The following COL5A1 variants were observed in gnomAD, a reference collection of about 807,000 sequenced individuals.
COL5A1 encodes collagen alpha-1(V) chain.
In COL5A1, 16 loss-of-function variants were observed where a neutral mutation model predicts 263.7. The observed-to-expected ratio is 0.06, with a 90% confidence interval of 0.04 to 0.09. COL5A1 has a LOEUF of 0.09. Among genes scored for constraint, COL5A1 ranks in the 10% least tolerant of loss-of-function variants. The pLI is 1.00. For missense variants in COL5A1, 2,036 were observed against 2,540.5 expected (o/e 0.80, Z 4.27); for synonymous variants, 1,012 against 1,004.5 (o/e 1.01, Z -0.14).
chr9:134,762,069 G>A (rs1836468394), intron 19 of COL5A1, 91 bp downstream of exon 19: 1 of 1,376,006 alleles, frequency 7.3e-7, no homozygotes, highest in Non-Finnish European at 1.0e-6. Flanking sequence ...GCCCAGGTGT[G>A]GGATTGGCCT....
chr9:134,709,063 ATTCCATCTGCAGTGATCT>A (rs1297331236), intron 4 of COL5A1: 3 of 412,208 alleles, frequency 7.3e-6, no homozygotes, highest in Non-Finnish European at 1.5e-5. Context: ...CAGATCCTTC[ATTCCATCTGCAGTGATCT>A]TATTTCTGGA....
chr9:134,735,627 C>T (rs11103487), intron 9 of COL5A1, among the ~76,000 whole-genome samples: 31,324 of 152,160 alleles, frequency 0.21, 3,393 homozygotes, highest in East Asian at 0.36. Flanking sequence ...CCCGCGTTGC[C>T]CCAGTTCCCT....
rs760798318 is a variant in COL5A1, at chr9:134,731,595, G to A, written c.1264G>A (p.Asp422Asn). The A allele has an allele frequency of 1.2e-6, 2 of 1,614,184 alleles. No individual in the cohort carries two copies. Among genetic ancestry groups the A allele is most frequent in the Admixed American group, 1.7e-5 (1 of 60,024 alleles). Residue 422 changes from aspartate to asparagine, a missense_variant, in exon 8 of 66, where the codon GAC (aspartate) becomes AAC (asparagine). By Grantham distance (23) the Asp-to-Asn change is conservative. Transcript: ENST00000371817. ...CGAGAACTACTACGACCCCTACTAC[G>A]ACCCCACCAGCTCCCCGTCGGAGAT... ...LDENYYDPYYDPTSSPSEIGP... is the reference protein window; with the variant it reads ...LDENYYDPYYNPTSSPSEIGP...
intron 18 of COL5A1, among the ~76,000 whole-genome samples, chr9:134,761,688 A>C (rs1356282262): frequency 1.3e-5 from 2 of 152,216 alleles, no homozygotes; most frequent in Admixed American, 6.5e-5. Context: ...CTGGGTGCTC[A>C]GTCCAGCACC....
intron 32 of COL5A1, among the ~76,000 whole-genome samples, chr9:134,791,983 C>T (rs997269022): frequency 1.3e-5 from 2 of 152,182 alleles, no homozygotes; most frequent in African/African-American, 4.8e-5. Flanking sequence ...CAGGGTCTGA[C>T]CCAGAAGGTC....
chr9:134,780,915 C>T (rs549409405), intron 28 of COL5A1, among the ~76,000 whole-genome samples: 15 of 152,368 alleles, frequency 9.8e-5, no homozygotes, highest in Middle Eastern at 3.4e-3. Context: ...GTTGTGGGTT[C>T]GCCCTGCCAT....
intron 1 of COL5A1, among the ~76,000 whole-genome samples, chr9:134,658,872 T>C (rs1818509076): frequency 6.6e-6 from 1 of 152,134 alleles, no homozygotes; most frequent in Admixed American, 6.5e-5. Context: ...TCAGTTAAGG[T>C]AGAAATTCAC....
At chr9:134,656,105 T>C (rs1010530864) in intron 1 of COL5A1, among the ~76,000 whole-genome samples, 12 of 152,088 alleles carry the variant, frequency 7.9e-5, no homozygotes, top group Admixed American at 2.0e-4. Context: ...CCTGGGACCC[T>C]CACAGTGGAC....
rs192653919 is a variant in COL5A1 at position 134,644,833 on chromosome 9, C to T, written c.109+2537C>T. 6.3e-4 allele frequency among the ~76,000 whole-genome samples: 96 copies of T among 152,332 alleles called. No homozygotes were observed. The East Asian group carries it at 0.016, about 26-fold the overall frequency. Reference sequence around the variant, plus strand: ...ATCTCCTCTACACGCCATTGGTTGACTCCAGTCACGTGATTGCTTTTTGCA... The same window carrying T: ...ATCTCCTCTACACGCCATTGGTTGATTCCAGTCACGTGATTGCTTTTTGCA... On this transcript the variant is annotated intron_variant, in intron 1 of 65. Coordinates refer to ENST00000371817, the MANE Select transcript of COL5A1 (RefSeq NM_000093.5).
chr9:134,835,303 A>G, intron 65 of COL5A1, 99 bp downstream of exon 65: 1 of 1,046,996 alleles, frequency 9.6e-7, no homozygotes, highest in South Asian at 1.4e-5. Flanking sequence ...TGCCTGCCAG[A>G]GGGCAGTGAG....
Position 134,700,177 on chromosome 9 carries a change from C to G in COL5A1, c.491+55C>G. 1 of 1,527,226 alleles carries G rather than the reference C, an allele frequency of 6.5e-7. No homozygotes were observed. The highest frequency in any genetic ancestry group is 1.1e-5 in the South Asian group (1 of 88,424). 94.6% of individuals were successfully genotyped at this position (1,527,226 alleles called of 1,614,324 possible). A position where few individuals can be genotyped will look rare whatever the true frequency, so the allele number is the denominator to read the frequency against. On this transcript the variant is annotated intron_variant, in intron 3 of 65. Transcript: ENST00000371817. This position sits in a 1 kb window ranked among gnomAD's most constrained non-coding sequence, Gnocchi z 4.0. ...CCTGCTGGAGGGGGGATCAGGCCAG[C>G]TCATACCACTGACCAGATGTGGGGC...
At chr9:134,670,184 G>A (rs1471427734) in intron 1 of COL5A1, among the ~76,000 whole-genome samples, 2 of 152,140 alleles carry the variant, frequency 1.3e-5, no homozygotes, top group Non-Finnish European at 2.9e-5. Flanking sequence ...TTCCTCTCAT[G>A]TTGGGTTTGG....
rs1397003696 is a variant in COL5A1 at position 134,840,526 on chromosome 9, CACAGATGT to C, written c.5371-1630_5371-1623del. 3.9e-5 allele frequency among the ~76,000 whole-genome samples: 6 copies of C among 152,306 alleles called. No homozygotes were observed. The East Asian group carries it at 1.2e-3, about 29-fold the overall frequency. ...CCCCCCAAATTTAGCAGCTTAAAAC[CACAGATGT>C]TCGTTACGTCACCCCATGTCCGAGG... On this transcript the variant is annotated intron_variant, in intron 65 of 65. Coordinates refer to ENST00000371817, the MANE Select transcript of COL5A1 (RefSeq NM_000093.5).
intron 11 of COL5A1, among the ~76,000 whole-genome samples, chr9:134,748,028 TACACATGCAGACACATGC>T (rs1564429046): frequency 8.3e-6 from 1 of 119,966 alleles, no homozygotes; most frequent in African/African-American, 3.2e-5. Context: ...CATGCATTCA[TACACATGCAGACACATGC>T]ACACATGCAT....
chr9:134,683,897 G>T (rs1832935034), intron 1 of COL5A1, among the ~76,000 whole-genome samples: 1 of 152,220 alleles, frequency 6.6e-6, no homozygotes, highest in Non-Finnish European at 1.5e-5. Flanking sequence ...TCAGCACTTG[G>T]CAGGGTGCCC....
chr9:134,791,168 A>G (rs1436928519), intron 32 of COL5A1, among the ~76,000 whole-genome samples: 1 of 152,208 alleles, frequency 6.6e-6, no homozygotes, highest in Non-Finnish European at 1.5e-5. Context: ...CCCCAGTCAC[A>G]CATAGGAGCT....
chr9:134,780,864 G>A (rs1018489992), intron 28 of COL5A1, among the ~76,000 whole-genome samples: 3 of 151,938 alleles, frequency 2.0e-5, no homozygotes, highest in African/African-American at 4.8e-5. Flanking sequence ...CCTCAGGGGC[G>A]GCCTCACCGT....
At chr9:134,762,589 G>T (rs1228916630) in intron 19 of COL5A1, among the ~76,000 whole-genome samples, 9 of 152,334 alleles carry the variant, frequency 5.9e-5, no homozygotes. Context: ...TGGGATTGGG[G>T]CATGGGATGC....
Position 134,696,417 on chromosome 9 carries a change from T to C in COL5A1, c.278-3492T>C, listed in dbSNP as rs1324209381. Among the ~76,000 whole-genome samples the C allele has an allele frequency of 3.3e-5, 5 of 152,122 alleles. No individual in the cohort carries two copies. The highest frequency in any genetic ancestry group is 7.3e-5 in the Non-Finnish European group (5 of 68,028). ...GTGTGGAACTCCTGACCTCAAGTGA[T>C]CCTCCTGCCTTGGCCTCCCAAAGTG... On this transcript the variant is annotated intron_variant, in intron 2 of 65. Coordinates refer to ENST00000371817, the MANE Select transcript of COL5A1 (RefSeq NM_000093.5). This position sits in a 1 kb window ranked among gnomAD's most constrained non-coding sequence, Gnocchi z 4.3.
Sources: gnomAD v4.1 joint callset for allele counts (sites outside exome capture counted in the v4.1 genomes callset) on GRCh38, gnomAD v4.1.1 for gene constraint, Gnocchi (gnomAD v3.1) non-coding constraint, MANE v1.5 for transcripts, NCBI Gene and HGNC (gene_info 2026-07-23, HGNC 2026-07-21) for gene names.